UFSP2: variants seen among roughly 807,000 people sequenced by gnomAD.
The protein encoded by UFSP2 is UFM1 specific peptidase 2.
In UFSP2, 43 loss-of-function variants were observed where a neutral mutation model predicts 60.2. The observed-to-expected ratio is 0.71, with a 90% confidence interval of 0.56 to 0.92. UFSP2 has a LOEUF of 0.92. Ranked by LOEUF, UFSP2 falls within the 40% of genes least tolerant of loss-of-function variation. The probability of loss-of-function intolerance (pLI) is 0.00; values close to 1 mark genes in which losing one functional copy is unlikely to be tolerated. For synonymous variants in UFSP2, 183 were observed against 195.1 expected (o/e 0.94, Z 0.52); for missense variants, 520 against 575.0 (o/e 0.90, Z 0.98).
intron 8 of UFSP2, 63 bp downstream of exon 8, chr4:185,408,208 A>G: frequency 1.9e-6 from 3 of 1,570,928 alleles, no homozygotes; most frequent in East Asian, 4.5e-5. Context: ...AAAATTATCA[A>G]TGGTATATTA....
At chr4:185,401,970 T>A (rs1478245275) in intron 11 of UFSP2, among the ~76,000 whole-genome samples, 1 of 152,210 alleles carries the variant, frequency 6.6e-6, no homozygotes, top group Non-Finnish European at 1.5e-5. Context: ...CCTTTCTGAC[T>A]GAGCTTGGTG....
At chr4:185,418,378 A>G (rs2095543079) in intron 4 of UFSP2, 63 bp downstream of exon 4, 1 of 1,238,010 alleles carries the variant, frequency 8.1e-7, no homozygotes, top group African/African-American at 1.5e-5. Context: ...CTAAGATTGC[A>G]CTCAGTTCCA....
chr4:185,410,626 C>A (rs983687355), intron 7 of UFSP2, among the ~76,000 whole-genome samples: 1 of 151,686 alleles, frequency 6.6e-6, no homozygotes, highest in Non-Finnish European at 1.5e-5. Flanking sequence ...CTAGCCTGGG[C>A]AACCGAGCAA....
At position 185,399,852 on chromosome 4, in the gene UFSP2, C is replaced by T; in HGVS notation, c.*540G>A. The T allele has an allele frequency of 6.3e-7, 1 of 1,580,670 alleles. No homozygotes were observed. Among genetic ancestry groups the T allele is most frequent in the East Asian group, 2.3e-5 (1 of 44,244 alleles). On this transcript the variant is annotated 3_prime_UTR_variant, in exon 12 of 12. Transcript: ENST00000264689. The stretch of plus-strand genomic sequence containing the variant: ...ATAGCATTTATTATTCCATTTAATA[C>T]TGACACTCGTATTTCTAGTAGTATT...
chr4:185,424,110 T>TG (rs2095554546), intron 1 of UFSP2, among the ~76,000 whole-genome samples: 1 of 147,748 alleles, frequency 6.8e-6, no homozygotes. Flanking sequence ...GAGACCAGAC[T>TG]GGGCAACATA....
chr4:185,422,640 T>C, intron 1 of UFSP2, 77 bp from the exon 2 acceptor site: 2 of 982,440 alleles, frequency 2.0e-6, no homozygotes, highest in South Asian at 3.2e-5. Flanking sequence ...AGAATCTAAG[T>C]TTAGTGTTAA....
At chr4:185,402,158 A>C in intron 11 of UFSP2, 2 of 348,820 alleles carry the variant, frequency 5.7e-6, no homozygotes, top group Non-Finnish European at 1.1e-5. Flanking sequence ...GTCCTACCCT[A>C]AAGGTTTTAG....
chr4:185,399,972 C>CT lies in UFSP2; in HGVS notation c.*419dup, dbSNP rs573004425. 5.0e-4 allele frequency: 791 copies of CT among 1,592,180 alleles called. No homozygotes were observed. The highest frequency in any genetic ancestry group is 6.3e-4 in the Non-Finnish European group (743 of 1,173,346). Reference sequence around the variant, plus strand: ...ATGGTGGAAGTTTGGGGATAAAACTCTTTTTAAAAAAAAGTTTTTAATGTT... The same window carrying CT: ...ATGGTGGAAGTTTGGGGATAAAACTCTTTTTTAAAAAAAAGTTTTTAATGTT... On this transcript the variant is annotated 3_prime_UTR_variant, in exon 12 of 12. Coordinates refer to ENST00000264689, the MANE Select transcript of UFSP2 (RefSeq NM_018359.5).
rs1398509736 is a variant in UFSP2, at chr4:185,400,471, C to T, written c.1331G>A (p.Cys444Tyr). The T allele has an allele frequency of 2.5e-6, 4 of 1,613,180 alleles. No individual in the cohort carries two copies. Among genetic ancestry groups the T allele is most frequent in the East Asian group, 2.2e-5 (1 of 44,874 alleles). Reference sequence around the variant, plus strand: ...CCAAAAATCTGGGCCCTTCCATCCGCACCAGCCCTGGATAGAGAAGACGGG... The same window carrying T: ...CCAAAAATCTGGGCCCTTCCATCCGTACCAGCCCTGGATAGAGAAGACGGG... ...DLQVILEKGW[C>Y]GWKGPDFWNK... The change falls in exon 12 of 12, where the codon TGC becomes TAC. Residue 444 changes from cysteine to tyrosine, a missense_variant. Physicochemically the swap from Cys to Tyr is radical, Grantham distance 194. Coordinates refer to ENST00000264689, the MANE Select transcript of UFSP2 (RefSeq NM_018359.5).
chr4:185,408,572 C>T, intron 7 of UFSP2, 137 bp from the exon 8 acceptor site: 2 of 909,052 alleles, frequency 2.2e-6, no homozygotes, highest in Non-Finnish European at 3.2e-6. Flanking sequence ...CTTCACAGAT[C>T]TATGGTTTAA....
chr4:185,418,916 T>C, intron 2 of UFSP2, 146 bp from the exon 3 acceptor site: 4 of 644,200 alleles, frequency 6.2e-6, no homozygotes, highest in East Asian at 2.9e-5. Context: ...TTTGCCTATC[T>C]TTTTAAAAAA....
chr4:185,420,547 A>C (rs906978411), intron 2 of UFSP2, among the ~76,000 whole-genome samples: 2 of 152,200 alleles, frequency 1.3e-5, no homozygotes, highest in African/African-American at 4.8e-5. Flanking sequence ...TTGATAAATA[A>C]ATACTTTGGA....
At chr4:185,424,688 G>A (rs1008831600) in intron 1 of UFSP2, among the ~76,000 whole-genome samples, 3 of 152,158 alleles carry the variant, frequency 2.0e-5, no homozygotes, top group Non-Finnish European at 4.4e-5. Flanking sequence ...AAACTAGTAT[G>A]TACCCATTTA....
At chr4:185,420,522 G>A (rs1474576514) in intron 2 of UFSP2, among the ~76,000 whole-genome samples, 1 of 151,990 alleles carries the variant, frequency 6.6e-6, no homozygotes, top group Non-Finnish European at 1.5e-5. Flanking sequence ...AATAAACAAC[G>A]ACCATACTGG....
At chr4:185,415,424 C>T in intron 5 of UFSP2, 77 bp from the exon 6 acceptor site, 2 of 1,286,336 alleles carry the variant, frequency 1.6e-6, no homozygotes, top group East Asian at 2.6e-5. Flanking sequence ...GCTAATATAT[C>T]CTTAGTATAG....
chr4:185,415,901 T>A (rs1407047210), intron 4 of UFSP2, 34 bp from the exon 5 acceptor site: 2 of 1,516,894 alleles, frequency 1.3e-6, no homozygotes, highest in East Asian at 2.3e-5. Flanking sequence ...CAACTTGTAG[T>A]GCATTAAACA....
At chr4:185,410,806 C>T (rs1376419950) in intron 7 of UFSP2, among the ~76,000 whole-genome samples, 1 of 151,306 alleles carries the variant, frequency 6.6e-6, no homozygotes, top group Non-Finnish European at 1.5e-5. Context: ...ATGAGCTAGG[C>T]GTGGTAGCAC....
chr4:185,411,675 A>AGAGG, intron 7 of UFSP2, among the ~76,000 whole-genome samples: 1 of 152,214 alleles, frequency 6.6e-6, no homozygotes, highest in South Asian at 2.1e-4. Context: ...GGGGGAAAAA[A>AGAGG]GAGGGAGAAA....
At position 185,400,150 on chromosome 4, in the gene UFSP2, A is replaced by C; in HGVS notation, c.*242T>G. Reference sequence around the variant, plus strand: ...GGACGAAAAACTTTCTTCCAAGTGAAGATCCATTTAAGAACACATGTATTT... The same window carrying C: ...GGACGAAAAACTTTCTTCCAAGTGACGATCCATTTAAGAACACATGTATTT... On this transcript the variant is annotated 3_prime_UTR_variant, in exon 12 of 12. Coordinates refer to ENST00000264689, the MANE Select transcript of UFSP2 (RefSeq NM_018359.5). 6 of 865,354 alleles carry C rather than the reference A, an allele frequency of 6.9e-6. No homozygotes were observed. The highest frequency in any genetic ancestry group is 1.1e-5 in the Non-Finnish European group (6 of 560,616). The allele number at this position is 865,354 out of a possible 1,614,324, so 53.6% of individuals were successfully genotyped here. A position where few individuals can be genotyped will look rare whatever the true frequency, so the allele number is the denominator to read the frequency against.
Sources: allele counts gnomAD v4.1 joint callset (sites outside exome capture counted in the v4.1 genomes callset), GRCh38; gene constraint gnomAD v4.1.1; transcripts MANE v1.5; gene names NCBI Gene and HGNC (gene_info 2026-07-23, HGNC 2026-07-21).